Variants in NOTO observed in about 807,000 individuals in gnomAD.
The protein encoded by NOTO is homeobox protein notochord.
NOTO carries 19 observed loss-of-function variants against 20.5 expected under a neutral mutation model. The observed-to-expected ratio is 0.93, with a 90% CI of 0.65 to 1.36. NOTO has a LOEUF of 1.36. Among genes scored for constraint, NOTO ranks in the 40% most tolerant of loss-of-function variants. NOTO has a pLI of 0.00. For synonymous variants in NOTO, 150 were observed against 150.2 expected (o/e 1.00, Z 0.01); for missense variants, 369 against 336.2 (o/e 1.10, Z -0.76).
Position 73,202,964 on chromosome 2 carries a change from C to G in NOTO, c.298C>G (p.Pro100Ala). The change falls in exon 1 of 3, where the codon CCC (proline) becomes GCC (alanine). Residue 100 changes from proline to alanine, a missense_variant. Coordinates refer to ENST00000398468, the MANE Select transcript of NOTO (RefSeq NM_001134462.2). ...LPWACPTSWL[P>A]AYLSVGFYPV... The stretch of plus-strand genomic sequence containing the variant: ...CTGGGCTTGCCCGACATCGTGGCTG[C>G]CCGCCTACCTGAGCGTAGGTTTTTA... The G allele has an allele frequency of 5.3e-6, 8 of 1,510,770 alleles. No individual in the cohort carries two copies. The highest frequency in any genetic ancestry group is 7.1e-6 in the Non-Finnish European group (8 of 1,133,184). 93.6% of individuals were successfully genotyped at this position (1,510,770 alleles called of 1,614,324 possible).
rs570189994 is a variant in NOTO at position 73,204,942 on chromosome 2, G to A, written c.382+1894G>A. Among the ~76,000 whole-genome samples, 4 of 143,774 alleles carry A rather than the reference G, an allele frequency of 2.8e-5. No individual in the cohort carries two copies. In the South Asian group the frequency reaches 8.6e-4, roughly 31 times the overall value. 94.3% of individuals were successfully genotyped at this position (143,774 alleles called of 152,430 possible). A position where few individuals can be genotyped will look rare whatever the true frequency, so the allele number is the denominator to read the frequency against. On this transcript the variant is annotated intron_variant, in intron 1 of 2. Coordinates refer to ENST00000398468, the MANE Select transcript of NOTO (RefSeq NM_001134462.2). ...TGTCCTTAGGCTGGAGTGCAGTGGT[G>A]CAATCTCGGCTCACTGCAAGCTCCG... is the stretch of plus-strand genomic sequence containing the variant.
chr2:73,206,787 C>CTTTTT (rs969908382), intron 1 of NOTO, among the ~76,000 whole-genome samples: 3 of 89,972 alleles, frequency 3.3e-5, no homozygotes, highest in Admixed American at 1.3e-4. Context: ...CCAACTAGAG[C>CTTTTT]TTTTTTTTTT....
rs763001329 is a variant in NOTO at position 73,204,870 on chromosome 2, A to ATTTTTTTTTTTTTTTTTTTTTTTT, written c.382+1830_382+1831insTTTTTTTTTTTTTTTTTTTTTTTT. Among the ~76,000 whole-genome samples, 3 of 93,012 alleles carry ATTTTTTTTTTTTTTTTTTTTTTTT rather than the reference A, an allele frequency of 3.2e-5. 1 individual carries two copies. The highest frequency in any genetic ancestry group is 1.2e-4 in the African/African-American group (2 of 16,666). 61.0% of individuals were successfully genotyped at this position (93,012 alleles called of 152,430 possible). A position where few individuals can be genotyped will look rare whatever the true frequency, so the allele number is the denominator to read the frequency against. ...CAAGCCCCAGCACCATGCCCGGCTA[A>ATTTTTTTTTTTTTTTTTTTTTTTT]TTTTTTTTATTTTTTTATTTTTTTT... On this transcript the variant is annotated intron_variant, in intron 1 of 2. Transcript: ENST00000398468.
In NOTO at chr2:73,208,455, G is replaced by A. The variant is rs921067210; in HGVS notation, c.438G>A (p.Thr146=). The part of the protein sequence containing the change: ...GLWAFPDWAP[T]EDLQDTERQQ... ...GGGCCTTCCCAGACTGGGCCCCAAC[G>A]GAGGACCTACAGGACACTGAGAGAC... The change falls in exon 2 of 3, where the codon ACG becomes ACA. Residue 146 remains threonine (T), a synonymous_variant. Transcript: ENST00000398468. The A allele has an allele frequency of 3.9e-6, 6 of 1,551,550 alleles. No individual in the cohort carries two copies. The African/African-American group carries it at 4.1e-5, about 11-fold the overall frequency.
chr2:73,208,617 G>A lies in NOTO; in HGVS notation c.597+3G>A. On this transcript the variant is annotated splice_donor_region_variant and intron_variant, in intron 2 of 2. Coordinates refer to ENST00000398468, the MANE Select transcript of NOTO (RefSeq NM_001134462.2). ...GGCTCAAACTTACAGAGAACCAGGT[G>A]GGAGTAGGGACTCCTATTGGGCCTG... 6.5e-7 allele frequency: 1 copy of A among 1,542,072 alleles called. No individual in the cohort carries two copies. Among genetic ancestry groups the A allele is most frequent in the Non-Finnish European group, 8.8e-7 (1 of 1,138,828 alleles).
Position 73,208,615 on chromosome 2 carries a change from G to A in NOTO, c.597+1G>A. 4 of 1,545,298 alleles carry A rather than the reference G, an allele frequency of 2.6e-6. No individual in the cohort carries two copies. The highest frequency in any genetic ancestry group is 3.5e-6 in the Non-Finnish European group (4 of 1,141,728). ...TCGGCTCAAACTTACAGAGAACCAGGTGGGAGTAGGGACTCCTATTGGGCC... is the reference window on the plus strand; with the variant it reads ...TCGGCTCAAACTTACAGAGAACCAGATGGGAGTAGGGACTCCTATTGGGCC... On this transcript the variant is annotated splice_donor_variant, in intron 2 of 2. Transcript: ENST00000398468. LOFTEE classifies it high-confidence loss of function.
At chr2:73,207,608 G>C (rs1349256090) in intron 1 of NOTO, among the ~76,000 whole-genome samples, 1 of 151,976 alleles carries the variant, frequency 6.6e-6, no homozygotes, top group Non-Finnish European at 1.5e-5. Context: ...GGATGGAGTA[G>C]AGTGGGCTCT....
chr2:73,203,864 G>GCTAAAGCAGGAGAATCACTTGAA (rs1185233313), intron 1 of NOTO, among the ~76,000 whole-genome samples: 9 of 137,572 alleles, frequency 6.5e-5, no homozygotes, highest in African/African-American at 1.5e-4. Flanking sequence ...ACTTTGGGAG[G>GCTAAAGCAGGAGAATCACTTGAA]CCGAGACGGG....
chr2:73,205,772 A>T (rs1686080982), intron 1 of NOTO, among the ~76,000 whole-genome samples: 2 of 151,960 alleles, frequency 1.3e-5, no homozygotes, highest in African/African-American at 4.8e-5. Context: ...AGTAGCAGGG[A>T]CCACAGGCAT....
chr2:73,206,985 G>A (rs1686097209), intron 1 of NOTO, among the ~76,000 whole-genome samples: 1 of 151,860 alleles, frequency 6.6e-6, no homozygotes, highest in African/African-American at 2.4e-5. Flanking sequence ...AGTAGAGACG[G>A]GGTTTCGCCA....
chr2:73,203,488 G>A (rs1284815490), intron 1 of NOTO, among the ~76,000 whole-genome samples: 1 of 151,948 alleles, frequency 6.6e-6, no homozygotes, highest in Non-Finnish European at 1.5e-5. Flanking sequence ...GGGGTAGGGG[G>A]AAGTGGACGC....
chr2:73,204,769 A>G (rs148614691), intron 1 of NOTO, among the ~76,000 whole-genome samples: 76 of 151,746 alleles, frequency 5.0e-4, no homozygotes, highest in African/African-American at 1.7e-3. Flanking sequence ...CAGTGGCGCT[A>G]TCTCTGCTCA....
chr2:73,208,557 T>A lies in NOTO; in HGVS notation c.540T>A (p.Asn180Lys), dbSNP rs1447286863. Residue 180 changes from asparagine to lysine, a missense_variant, in exon 2 of 3, where the codon AAT becomes AAA. Physicochemically the swap from Asn to Lys is moderately conservative, Grantham distance 94. Transcript: ENST00000398468. Reference sequence around the variant, plus strand: ...AGAAAGTGTTTGCAAAACAGCACAATCTGGTGGGGAAGAAGAGAGCCCAGC... The same window carrying A: ...AGAAAGTGTTTGCAAAACAGCACAAACTGGTGGGGAAGAAGAGAGCCCAGC... ...ELEKVFAKQHNLVGKKRAQLA... is the reference protein window; with the variant it reads ...ELEKVFAKQHKLVGKKRAQLA... 1.5e-5 allele frequency: 24 copies of A among 1,551,372 alleles called. No homozygotes were observed. The highest frequency in any genetic ancestry group is 7.8e-5 in the Admixed American group (4 of 50,974).
chr2:73,203,105 G>T, intron 1 of NOTO, 57 bp downstream of exon 1: 1 of 1,350,150 alleles, frequency 7.4e-7, no homozygotes. Flanking sequence ...GAGAGCCTAG[G>T]TCGCCACTGC....
Position 73,209,474 on chromosome 2 carries a change from A to AGCT in NOTO, c.597+861_597+863dup, listed in dbSNP as rs1288259143. Among the ~76,000 whole-genome samples, 5 of 136,060 alleles carry AGCT rather than the reference A, an allele frequency of 3.7e-5. No homozygotes were observed. In the South Asian group the frequency reaches 1.1e-3, roughly 30 times the overall value. 89.3% of individuals were successfully genotyped at this position (136,060 alleles called of 152,430 possible). Reference sequence around the variant, plus strand: ...AACAATATGACACTTTCCTTTCTTCAGCTCAGTCCACCACTCAGCAGCTCT... The same window carrying AGCT: ...AACAATATGACACTTTCCTTTCTTCAGCTGCTCAGTCCACCACTCAGCAGCTCT... On this transcript the variant is annotated intron_variant, in intron 2 of 2. Coordinates refer to ENST00000398468, the MANE Select transcript of NOTO (RefSeq NM_001134462.2).
intron 1 of NOTO, among the ~76,000 whole-genome samples, chr2:73,205,495 C>T (rs1283929872): frequency 6.6e-6 from 1 of 152,144 alleles, no homozygotes; most frequent in Non-Finnish European, 1.5e-5. Flanking sequence ...AAGACACTGT[C>T]TCAAAAAATT....
rs1424020504 is a variant in NOTO, at chr2:73,202,714, C to A, written c.48C>A (p.Gly16=). The A allele has an allele frequency of 6.6e-7, 1 of 1,516,460 alleles. No homozygotes were observed. The highest frequency in any genetic ancestry group is 1.2e-5 in the South Asian group (1 of 82,802). 93.9% of individuals were successfully genotyped at this position (1,516,460 alleles called of 1,614,324 possible). ...GCAGCCCGCCACCCGCTCCCTCGGGCTCTCGGGTCCGACCTCCGCGCTCTG... is the reference window on the plus strand; with the variant it reads ...GCAGCCCGCCACCCGCTCCCTCGGGATCTCGGGTCCGACCTCCGCGCTCTG... ...PRGSPPPAPS[G]SRVRPPRSGR... Residue 16 remains glycine, a synonymous_variant, in exon 1 of 3, where the codon GGC becomes GGA. Transcript: ENST00000398468.
Position 73,202,883 on chromosome 2 carries a change from T to G in NOTO, c.217T>G (p.Cys73Gly). ...PAASQPSGSA[C>G]VHPAFWTAAS... ...GGCCTCCCAGCCGTCGGGCTCCGCC[T>G]GCGTCCACCCGGCCTTCTGGACCGC... is the stretch of plus-strand genomic sequence containing the variant. Residue 73 changes from cysteine to glycine, a missense_variant, in exon 1 of 3, where the codon TGC becomes GGC. Cys to Gly is a radical substitution (Grantham distance 159). Coordinates refer to ENST00000398468, the MANE Select transcript of NOTO (RefSeq NM_001134462.2). 1 of 1,527,842 alleles carries G rather than the reference T, an allele frequency of 6.5e-7. No homozygotes were observed. The highest frequency in any genetic ancestry group is 8.8e-7 in the Non-Finnish European group (1 of 1,142,496). The allele number at this position is 1,527,842 out of a possible 1,614,324, so 94.6% of individuals were successfully genotyped here. A position where few individuals can be genotyped will look rare whatever the true frequency, so the allele number is the denominator to read the frequency against.
In NOTO at chr2:73,210,983, A is replaced by G. The variant is rs1284866415; in HGVS notation, c.*54A>G. On this transcript the variant is annotated 3_prime_UTR_variant, in exon 3 of 3. Transcript: ENST00000398468. ...GCCTGGACTAGTTCCTCCTGGGGGT[A>G]CCCACTGGAGCTCCCTGCCTCACAC... The G allele has an allele frequency of 6.8e-7, 1 of 1,460,012 alleles. No individual in the cohort carries two copies. Among genetic ancestry groups the G allele is most frequent in the African/African-American group, 1.4e-5 (1 of 70,960 alleles). The allele number at this position is 1,460,012 out of a possible 1,614,324, so 90.4% of individuals were successfully genotyped here.
Sources: allele counts gnomAD v4.1 joint callset (sites outside exome capture counted in the v4.1 genomes callset), GRCh38; gene constraint gnomAD v4.1.1; transcripts MANE v1.5; gene names NCBI Gene and HGNC (gene_info 2026-07-23, HGNC 2026-07-21).